The following KCND2 variants were observed in gnomAD, a reference collection of about 807,000 sequenced individuals.
KCND2 encodes the protein potassium voltage-gated channel subfamily D member 2.
Under a neutral mutation model 54.4 loss-of-function variants are expected in KCND2, and 16 were observed. That is an observed-to-expected ratio of 0.29 (90% CI 0.20 to 0.45). KCND2 has a LOEUF of 0.45. Ranked by LOEUF, KCND2 falls within the 20% of genes least tolerant of loss-of-function variation. KCND2 has a pLI of 1.00. For synonymous variants in KCND2, 317 were observed against 310.7 expected, an observed-to-expected ratio of 1.02 and a Z score of -0.21; for missense variants, 486 against 824.2, an observed-to-expected ratio of 0.59 and a Z score of 5.02.
At chr7:120,538,753 C>A (rs1791942658) in intron 1 of KCND2, among the ~76,000 whole-genome samples, 1 of 152,168 alleles carries the variant, frequency 6.6e-6, no homozygotes, top group Admixed American at 6.5e-5. Flanking sequence ...CAGCCAAACC[C>A]CATGGGCAGG....
At chr7:120,385,607 A>G (rs1800976713) in intron 1 of KCND2, among the ~76,000 whole-genome samples, 1 of 152,186 alleles carries the variant, frequency 6.6e-6, no homozygotes, top group Non-Finnish European at 1.5e-5. Flanking sequence ...TTCAAAGCCA[A>G]TAACTTATGT....
chr7:120,403,852 C>A (rs919391201), intron 1 of KCND2, among the ~76,000 whole-genome samples: 2 of 151,762 alleles, frequency 1.3e-5, no homozygotes, highest in African/African-American at 4.8e-5. Flanking sequence ...AAATTTAATT[C>A]TTCTTCTGCC....
intron 2 of KCND2, among the ~76,000 whole-genome samples, chr7:120,733,654 A>G (rs545751992): frequency 1.3e-5 from 2 of 152,244 alleles, no homozygotes; most frequent in East Asian, 3.9e-4. Flanking sequence ...ATTAAAGGTC[A>G]CCAAGATGTG....
At chr7:120,570,909 T>C (rs1584832989) in intron 1 of KCND2, among the ~76,000 whole-genome samples, 1 of 152,136 alleles carries the variant, frequency 6.6e-6, no homozygotes, top group South Asian at 2.1e-4. Flanking sequence ...CTTAAATATG[T>C]CTTGTGTTAA....
chr7:120,550,471 G>T (rs1792092472), intron 1 of KCND2, among the ~76,000 whole-genome samples: 1 of 152,116 alleles, frequency 6.6e-6, no homozygotes. Context: ...AGTGGTCAAA[G>T]GAAAGATGCA....
At position 120,545,199 on chromosome 7, in the gene KCND2, TTC is replaced by T. The variant is rs577960026; in HGVS notation, c.1116-187702_1116-187701del. 1.4e-3 allele frequency among the ~76,000 whole-genome samples: 210 copies of T among 152,068 alleles called. 1 individual carries two copies. Among genetic ancestry groups the T allele is most frequent in the African/African-American group, 4.7e-3 (194 of 41,554 alleles). ...TGCTGTCACCATGTGCAGAAATTAC[TTC>T]TGTTTCCCACCCATCAATCTCAGCC... On this transcript the variant is annotated intron_variant, in intron 1 of 5. Transcript: ENST00000331113.
At chr7:120,454,296 T>C (rs913624246) in intron 1 of KCND2, among the ~76,000 whole-genome samples, 1 of 151,994 alleles carries the variant, frequency 6.6e-6, no homozygotes, top group African/African-American at 2.4e-5. Flanking sequence ...ATAAATATGA[T>C]TGATAGACCA....
intron 1 of KCND2, among the ~76,000 whole-genome samples, chr7:120,408,870 A>T (rs1302955115): frequency 6.6e-6 from 1 of 151,960 alleles, no homozygotes; most frequent in Non-Finnish European, 1.5e-5. Flanking sequence ...CGGTGACTTG[A>T]ATATGCAATA....
intron 1 of KCND2, among the ~76,000 whole-genome samples, chr7:120,673,914 T>A (rs963839009): frequency 3.2e-4 from 49 of 151,566 alleles, no homozygotes; most frequent in Non-Finnish European, 5.6e-4. Context: ...TATTTATTTT[T>A]TTTTTTTTCT....
At chr7:120,356,901 C>T (rs1021023046) in intron 1 of KCND2, among the ~76,000 whole-genome samples, 1 of 152,044 alleles carries the variant, frequency 6.6e-6, no homozygotes, top group Non-Finnish European at 1.5e-5. Context: ...GTTAGCGTTA[C>T]TGGGGTTGCG....
intron 1 of KCND2, among the ~76,000 whole-genome samples, chr7:120,642,302 C>T (rs2116532202): frequency 6.6e-6 from 1 of 151,364 alleles, no homozygotes; most frequent in Non-Finnish European, 1.5e-5. Flanking sequence ...GTAATTCCAG[C>T]ACTTTGGGAG....
intron 1 of KCND2, among the ~76,000 whole-genome samples, chr7:120,550,635 C>T (rs1458338105): frequency 6.6e-6 from 1 of 152,156 alleles, no homozygotes; most frequent in Admixed American, 6.6e-5. Context: ...ACAGAAGGCT[C>T]AGGCTGTTTG....
chr7:120,722,313 C>A (rs1479856427), intron 1 of KCND2, among the ~76,000 whole-genome samples: 1 of 152,054 alleles, frequency 6.6e-6, no homozygotes, highest in East Asian at 1.9e-4. Flanking sequence ...GTGAGAACAC[C>A]AGGCCTTTCA....
intron 1 of KCND2, among the ~76,000 whole-genome samples, chr7:120,473,877 G>A (rs1802496342): frequency 6.6e-6 from 1 of 152,120 alleles, no homozygotes; most frequent in Non-Finnish European, 1.5e-5. Context: ...GGTTTCTGTG[G>A]CCAGGTAGTA....
intron 1 of KCND2, among the ~76,000 whole-genome samples, chr7:120,311,955 A>G (rs1325100530): frequency 6.6e-6 from 1 of 152,106 alleles, no homozygotes; most frequent in Admixed American, 6.6e-5. Context: ...CCTAGACTGG[A>G]GTGCAATGGC....
chr7:120,453,220 T>C (rs917503902), intron 1 of KCND2, among the ~76,000 whole-genome samples: 4 of 152,230 alleles, frequency 2.6e-5, no homozygotes, highest in African/African-American at 4.8e-5. Context: ...ACTGTGCGCA[T>C]GTACCATGTC....
chr7:120,638,088 G>A (rs887399296), intron 1 of KCND2, among the ~76,000 whole-genome samples: 25 of 152,140 alleles, frequency 1.6e-4, no homozygotes, highest in African/African-American at 6.0e-4. Flanking sequence ...TAAAATAAAG[G>A]TTGGAGCAAA....
rs1365035696 is a variant in KCND2 at position 120,403,630 on chromosome 7, A to AT, written c.1115+127894dup. On this transcript the variant is annotated intron_variant, in intron 1 of 5. Coordinates refer to ENST00000331113, the MANE Select transcript of KCND2 (RefSeq NM_012281.3). Reference sequence around the variant, plus strand: ...CTGGCATGAGCCACCATGCCAGGTGATTTTTTTTTTTAACGTAAGACTTAT... The same window carrying AT: ...CTGGCATGAGCCACCATGCCAGGTGATTTTTTTTTTTTAACGTAAGACTTAT... 9.1e-3 allele frequency among the ~76,000 whole-genome samples: 1,336 copies of AT among 146,960 alleles called. 16 individuals are homozygous for AT. The highest frequency in any genetic ancestry group is 0.031 in the African/African-American group (1,238 of 40,398).
At chr7:120,523,264 C>A (rs1048609140) in intron 1 of KCND2, among the ~76,000 whole-genome samples, 35 of 151,946 alleles carry the variant, frequency 2.3e-4, no homozygotes, top group African/African-American at 8.2e-4. Context: ...GCTAGTTTTC[C>A]CTCCACAAAA....
Sources: allele counts gnomAD v4.1 joint callset (sites outside exome capture counted in the v4.1 genomes callset), GRCh38; gene constraint gnomAD v4.1.1; transcripts MANE v1.5; gene names NCBI Gene and HGNC (gene_info 2026-07-23, HGNC 2026-07-21).